PARD6G: variants seen among roughly 807,000 people sequenced by gnomAD.
PARD6G encodes the protein par-6 family cell polarity regulator gamma.
PARD6G carries 7 observed loss-of-function variants against 10.7 expected under a neutral mutation model. That is an observed-to-expected ratio of 0.66 (90% CI 0.37 to 1.23). The LOEUF is 1.23. PARD6G is among the 50% of genes most tolerant of loss of function. The pLI, the probability that PARD6G is intolerant of heterozygous loss-of-function variation, is 0.02. For synonymous variants in PARD6G, 287 were observed against 269.4 expected (o/e 1.07, Z -0.64); for missense variants, 548 against 571.8 (o/e 0.96, Z 0.42).
In PARD6G at chr18:80,226,171, T is replaced by G. The variant is rs983240123; in HGVS notation, c.72+21106A>C. On this transcript the variant is annotated intron_variant, in intron 1 of 2. Transcript: ENST00000353265. ...CTTCAGTTTTTTTTTTTTTTTTTTT[T>G]TTTTTTTTTTTTTTTTAGACGGAGT... Among the ~76,000 whole-genome samples, 290 of 141,326 alleles carry G rather than the reference T, an allele frequency of 2.1e-3. 16 individuals carry two copies. Among genetic ancestry groups the G allele is most frequent in the Admixed American group, 0.011 (158 of 13,970 alleles). The allele number at this position is 141,326 out of a possible 152,430, so 92.7% of individuals were successfully genotyped here. A position where few individuals can be genotyped will look rare whatever the true frequency, so the allele number is the denominator to read the frequency against.
intron 2 of PARD6G, among the ~76,000 whole-genome samples, chr18:80,168,455 T>G (rs1110276): frequency 0.23 from 35,199 of 152,018 alleles, 5,578 homozygotes; most frequent in African/African-American, 0.45. Flanking sequence ...TGCTTCTTTT[T>G]CAAGCAATAT....
chr18:80,160,009 T>C lies in PARD6G; in HGVS notation c.893A>G (p.Asp298Gly). 1 of 1,527,170 alleles carries C rather than the reference T, an allele frequency of 6.5e-7. No individual in the cohort carries two copies. Among genetic ancestry groups the C allele is most frequent in the Non-Finnish European group, 8.7e-7 (1 of 1,144,358 alleles). 94.6% of individuals were successfully genotyped at this position (1,527,170 alleles called of 1,614,324 possible). A position where few individuals can be genotyped will look rare whatever the true frequency, so the allele number is the denominator to read the frequency against. The part of the protein sequence containing the change: ...FHPDEAESDE[D>G]NDVVIEGTLE... ...TGTGCCCTCGATGACGACGTCGTTG[T>C]CCTCATCGCTCTCCGCCTCGTCGGG... is the stretch of plus-strand genomic sequence containing the variant. Residue 298 changes from aspartate (D) to glycine (G), a missense_variant, in exon 3 of 3, where the codon GAC (aspartate) becomes GGC (glycine). Transcript: ENST00000353265.
At chr18:80,214,323 G>A (rs1446357391) in intron 1 of PARD6G, among the ~76,000 whole-genome samples, 1 of 151,956 alleles carries the variant, frequency 6.6e-6, no homozygotes, top group Non-Finnish European at 1.5e-5. Flanking sequence ...AAATTAGCCA[G>A]GTGTGGGGGG....
At chr18:80,204,712 GC>G (rs776456449) in intron 1 of PARD6G, among the ~76,000 whole-genome samples, 61 of 152,222 alleles carry the variant, frequency 4.0e-4, no homozygotes, top group Admixed American at 1.6e-3. Context: ...AGTTTGGGAG[GC>G]CAAGGCGGGC....
chr18:80,185,930 G>GAA (rs2052873056), intron 2 of PARD6G, among the ~76,000 whole-genome samples: 4 of 90,088 alleles, frequency 4.4e-5, no homozygotes, highest in African/African-American at 9.3e-5. Context: ...ACCCTCACGC[G>GAA]GGCTTGCACA....
chr18:80,193,835 G>A (rs1364083097), intron 2 of PARD6G, among the ~76,000 whole-genome samples: 2 of 152,098 alleles, frequency 1.3e-5, no homozygotes, highest in East Asian at 1.9e-4. Context: ...AGGAGTAAAC[G>A]GCTCCAACTC....
intron 2 of PARD6G, among the ~76,000 whole-genome samples, chr18:80,168,116 A>G (rs996650908): frequency 6.6e-6 from 1 of 152,104 alleles, no homozygotes; most frequent in Non-Finnish European, 1.5e-5. Flanking sequence ...CCAGCATCCA[A>G]GGGCCCAGGG....
At chr18:80,205,225 G>A (rs1967044365) in intron 1 of PARD6G, among the ~76,000 whole-genome samples, 1 of 152,198 alleles carries the variant, frequency 6.6e-6, no homozygotes, top group East Asian at 1.9e-4. Context: ...ACCCAAGGAT[G>A]ACACTGGTAC....
intron 1 of PARD6G, among the ~76,000 whole-genome samples, chr18:80,233,218 C>CA (rs1239651787): frequency 6.6e-6 from 1 of 152,214 alleles, no homozygotes; most frequent in Non-Finnish European, 1.5e-5. Context: ...CAAAGGAGAA[C>CA]ATTCATGCAA....
In PARD6G at chr18:80,202,339, C is replaced by T. The variant is rs546139180; in HGVS notation, c.295+371G>A. Among the ~76,000 whole-genome samples, 8 of 152,228 alleles carry T rather than the reference C, an allele frequency of 5.3e-5. 1 individual carries two copies. Among genetic ancestry groups the T allele is most frequent in the Admixed American group, 2.6e-4 (4 of 15,292 alleles). On this transcript the variant is annotated intron_variant, in intron 2 of 2. Coordinates refer to ENST00000353265, the MANE Select transcript of PARD6G (RefSeq NM_032510.4). ...GCTAAAAGTTAACCAAAGTTATCAT[C>T]GAAAGCTAACATGCTCCCTCCTCCT...
At position 80,157,318 on chromosome 18, in the gene PARD6G, T is replaced by G. The variant is rs1224345105; in HGVS notation, c.*2453A>C. 2 of 152,208 alleles carry G rather than the reference T, an allele frequency of 1.3e-5. No homozygotes were observed. The highest frequency in any genetic ancestry group is 2.9e-5 in the Non-Finnish European group (2 of 68,034). The allele number at this position is 152,208 out of a possible 1,614,324, so 9.4% of individuals were successfully genotyped here. The stretch of plus-strand genomic sequence containing the variant: ...TAATACATAATATGCATAGTTTTGT[T>G]TTTTTAAAAGGAGAAAGTGGCAGAA... On this transcript the variant is annotated 3_prime_UTR_variant, in exon 3 of 3. Transcript: ENST00000353265.
intron 1 of PARD6G, among the ~76,000 whole-genome samples, chr18:80,236,258 T>A (rs567918718): frequency 1.3e-5 from 2 of 152,178 alleles, no homozygotes; most frequent in African/African-American, 2.4e-5. Context: ...AACCACATGA[T>A]TATCTCAACA....
chr18:80,162,431 C>T (rs1290995583), intron 2 of PARD6G: 2 of 168,088 alleles, frequency 1.2e-5, no homozygotes. Context: ...CCAGCTGTGA[C>T]CACCGGGGCT....
At chr18:80,165,807 T>TGC (rs1468339673) in intron 2 of PARD6G, among the ~76,000 whole-genome samples, 7 of 152,184 alleles carry the variant, frequency 4.6e-5, no homozygotes, top group Non-Finnish European at 1.0e-4. Context: ...TTCCACTGGG[T>TGC]GCGCTGGCTC....
At chr18:80,171,458 C>G (rs1480735272) in intron 2 of PARD6G, 1 of 152,272 alleles carries the variant, frequency 6.6e-6, no homozygotes, top group Admixed American at 6.5e-5. Flanking sequence ...CACCGGCCCA[C>G]GCTCGTTCCC....
At chr18:80,210,550 A>G (rs187348055) in intron 1 of PARD6G, among the ~76,000 whole-genome samples, 4 of 152,288 alleles carry the variant, frequency 2.6e-5, no homozygotes, top group African/African-American at 9.6e-5. Flanking sequence ...CCCTTCTCAT[A>G]GGGTCAAGTT....
Position 80,159,916 on chromosome 18 carries a change from G to A in PARD6G, c.986C>T (p.Ala329Val), listed in dbSNP as rs368542923. 7 of 1,512,288 alleles carry A rather than the reference G, an allele frequency of 4.6e-6. No homozygotes were observed. The African/African-American group carries it at 5.8e-5, about 12-fold the overall frequency. The allele number at this position is 1,512,288 out of a possible 1,614,324, so 93.7% of individuals were successfully genotyped here. Residue 329 changes from alanine to valine, a missense_variant, in exon 3 of 3, where the codon GCG (alanine) becomes GTG (valine). By Grantham distance (64) the Ala-to-Val change is moderately conservative. Coordinates refer to ENST00000353265, the MANE Select transcript of PARD6G (RefSeq NM_032510.4). ...CCGCTGCAGCCGCTGCGCCAGGCCC[G>A]CGCCATTGACCCGGGAGAGGCTGCC... ...PAGSLSRVNG[A>V]GLAQRLQRDL...
chr18:80,163,305 T>C (rs886562961), intron 2 of PARD6G, among the ~76,000 whole-genome samples: 5 of 151,918 alleles, frequency 3.3e-5, no homozygotes, highest in Non-Finnish European at 5.9e-5. Flanking sequence ...ATGCTGAGGG[T>C]AGGGGAGTAA....
chr18:80,216,862 T>A (rs1026813315), intron 1 of PARD6G, among the ~76,000 whole-genome samples: 1 of 152,214 alleles, frequency 6.6e-6, no homozygotes, highest in African/African-American at 2.4e-5. Context: ...AATCTTTAGG[T>A]AAACTAACCA....
Sources: allele counts gnomAD v4.1 joint callset (sites outside exome capture counted in the v4.1 genomes callset), GRCh38; gene constraint gnomAD v4.1.1; transcripts MANE v1.5; gene names NCBI Gene and HGNC (gene_info 2026-07-23, HGNC 2026-07-21).